Variants in MSRA observed in about 807,000 individuals in gnomAD.
MSRA encodes the protein methionine sulfoxide reductase A.
A neutral mutation model predicts 31.3 loss-of-function variants in MSRA; 54 were observed. The observed-to-expected ratio is 1.73, with a 90% CI of 1.39 to 2.17. The LOEUF is 2.17. Ranked by LOEUF, MSRA falls within the 30% of genes most tolerant of loss-of-function variation. The pLI is 0.00. For synonymous variants in MSRA, 169 were observed against 116.5 expected (o/e 1.45, Z -2.90); for missense variants, 507 against 300.9 (o/e 1.69, Z -5.07).
chr8:10,258,672 C>T (rs1301355116), intron 3 of MSRA, among the ~76,000 whole-genome samples: 2 of 152,236 alleles, frequency 1.3e-5, no homozygotes, highest in African/African-American at 4.8e-5. Flanking sequence ...TCCAAAGTCT[C>T]TCCTAAGTTC....
intron 1 of MSRA, among the ~76,000 whole-genome samples, chr8:10,087,787 G>A (rs542313362): frequency 3.3e-4 from 51 of 152,252 alleles, no homozygotes; most frequent in Admixed American, 6.5e-4. Flanking sequence ...TTGGCTTAAA[G>A]TAAAGGATTT....
chr8:10,197,971 G>C (rs1808142108), intron 1 of MSRA, among the ~76,000 whole-genome samples: 1 of 152,212 alleles, frequency 6.6e-6, no homozygotes, highest in Admixed American at 6.5e-5. Context: ...ATGGGTTGTT[G>C]TCATGGAAGA....
chr8:10,114,173 A>C (rs1021364967), intron 1 of MSRA, among the ~76,000 whole-genome samples: 1 of 152,136 alleles, frequency 6.6e-6, no homozygotes, highest in Non-Finnish European at 1.5e-5. Flanking sequence ...ATAATAATCC[A>C]TTTTATTGAC....
intron 1 of MSRA, among the ~76,000 whole-genome samples, chr8:10,136,171 C>G (rs144237861): frequency 6.6e-6 from 1 of 152,130 alleles, no homozygotes; most frequent in Non-Finnish European, 1.5e-5. Context: ...CTTGCAGTCA[C>G]GCTGGGCACA....
intron 5 of MSRA, among the ~76,000 whole-genome samples, chr8:10,402,935 C>G (rs759509367): frequency 5.3e-5 from 8 of 152,162 alleles, no homozygotes; most frequent in Non-Finnish European, 8.8e-5. Context: ...AAACATACAC[C>G]ATGCCTACCA....
chr8:10,421,500 T>G lies in MSRA; in HGVS notation c.544-6648T>G, dbSNP rs991447416. The stretch of plus-strand genomic sequence containing the variant: ...CCATCCTGCATTTCCCAGGGTGGTA[T>G]GAGAGCGTGTCACCTCCATGTAATA... On this transcript the variant is annotated intron_variant, in intron 5 of 5. Transcript: ENST00000317173. Among the ~76,000 whole-genome samples the G allele has an allele frequency of 2.6e-5, 4 of 151,918 alleles. No individual in the cohort carries two copies. The East Asian group carries it at 5.8e-4, about 22-fold the overall frequency.
chr8:10,070,613 A>C lies in MSRA; in HGVS notation c.142+15955A>C, dbSNP rs115127820. On this transcript the variant is annotated intron_variant, in intron 1 of 5. Transcript: ENST00000317173. ...ATATACAGAACAGTTCTGCCACCAGAGATTCCTTGTGCTGCATTTTTATAG... is the reference window on the plus strand; with the variant it reads ...ATATACAGAACAGTTCTGCCACCAGCGATTCCTTGTGCTGCATTTTTATAG... 9.2e-3 allele frequency among the ~76,000 whole-genome samples: 1,405 copies of C among 152,290 alleles called. 22 individuals are homozygous for C. Among genetic ancestry groups the C allele is most frequent in the African/African-American group, 0.03 (1,264 of 41,558 alleles).
intron 1 of MSRA, among the ~76,000 whole-genome samples, chr8:10,106,849 C>G (rs1799919720): frequency 6.6e-6 from 1 of 152,006 alleles, no homozygotes; most frequent in African/African-American, 2.4e-5. Flanking sequence ...ACCCACCCAC[C>G]TAACTACCCA....
intron 3 of MSRA, among the ~76,000 whole-genome samples, chr8:10,269,502 G>C (rs980360512): frequency 2.6e-5 from 4 of 152,238 alleles, no homozygotes; most frequent in Admixed American, 1.3e-4. Context: ...CCAGGCATAG[G>C]TTTGTGTGAA....
chr8:10,305,487 C>T (rs968762346), intron 4 of MSRA, among the ~76,000 whole-genome samples: 13 of 149,150 alleles, frequency 8.7e-5, no homozygotes, highest in Admixed American at 8.1e-4. Flanking sequence ...GATCTTGGCT[C>T]ACTGCATCCT....
chr8:10,412,737 T>C (rs746938193), intron 5 of MSRA, among the ~76,000 whole-genome samples: 20 of 152,280 alleles, frequency 1.3e-4, no homozygotes, highest in South Asian at 6.2e-4. Flanking sequence ...TCATTAGTCA[T>C]TGGAGAAATG....
At chr8:10,324,446 A>G (rs943687174) in intron 5 of MSRA, among the ~76,000 whole-genome samples, 6 of 152,146 alleles carry the variant, frequency 3.9e-5, no homozygotes, top group Admixed American at 2.0e-4. Flanking sequence ...TGGGACGGCC[A>G]CGGAACATGG....
chr8:10,399,330 C>G (rs1351959358), intron 5 of MSRA, among the ~76,000 whole-genome samples: 1 of 152,168 alleles, frequency 6.6e-6, no homozygotes, highest in African/African-American at 2.4e-5. Flanking sequence ...TCCTCCAAAA[C>G]TCATGTTAAA....
chr8:10,199,122 A>T (rs1290305572), intron 1 of MSRA, among the ~76,000 whole-genome samples: 2 of 152,136 alleles, frequency 1.3e-5, no homozygotes, highest in African/African-American at 4.8e-5. Context: ...TCTTTTGCAG[A>T]ATCATGGATG....
intron 1 of MSRA, among the ~76,000 whole-genome samples, chr8:10,159,660 A>T (rs1804471695): frequency 6.6e-6 from 1 of 151,238 alleles, no homozygotes; most frequent in Admixed American, 6.6e-5. Context: ...AATTTTGTGT[A>T]TTGCAGTGGG....
At chr8:10,240,612 G>C (rs372282902) in intron 2 of MSRA, among the ~76,000 whole-genome samples, 4 of 152,156 alleles carry the variant, frequency 2.6e-5, no homozygotes, top group East Asian at 3.9e-4. Context: ...TCCAGTCTTT[G>C]TGTTTCTGGC....
At chr8:10,225,504 A>T (rs1470682008) in intron 2 of MSRA, among the ~76,000 whole-genome samples, 1 of 152,228 alleles carries the variant, frequency 6.6e-6, no homozygotes, top group Non-Finnish European at 1.5e-5. Context: ...TGTCGATAGA[A>T]GTGGGAAAAA....
At chr8:10,390,062 C>A (rs1346910842) in intron 5 of MSRA, among the ~76,000 whole-genome samples, 2 of 152,228 alleles carry the variant, frequency 1.3e-5, no homozygotes, top group Non-Finnish European at 2.9e-5. Flanking sequence ...CAGAGCCCTG[C>A]CTTCTGCAGG....
chr8:10,202,105 A>T (rs1808553676), intron 1 of MSRA, among the ~76,000 whole-genome samples: 1 of 152,242 alleles, frequency 6.6e-6, no homozygotes, highest in African/African-American at 2.4e-5. Flanking sequence ...CTGTGGTGAA[A>T]CATGCCATTG....
Sources: gnomAD v4.1 joint callset for allele counts (sites outside exome capture counted in the v4.1 genomes callset) on GRCh38, gnomAD v4.1.1 for gene constraint, MANE v1.5 for transcripts, NCBI Gene and HGNC (gene_info 2026-07-23, HGNC 2026-07-21) for gene names.